GPM6B: variants seen among roughly 807,000 people sequenced by gnomAD.
GPM6B encodes the protein glycoprotein M6B.
GPM6B carries 4 observed loss-of-function variants against 27.2 expected under a neutral mutation model. That is an observed-to-expected ratio of 0.15 (90% confidence interval 0.07 to 0.34). The LOEUF (loss-of-function observed/expected upper bound fraction) is 0.34. Ranked by LOEUF, GPM6B falls within the 10% of genes least tolerant of loss-of-function variation. The probability of loss-of-function intolerance (pLI) is 1.00; values close to 1 mark genes in which losing one functional copy is unlikely to be tolerated. For synonymous variants in GPM6B, 124 were observed against 103.1 expected, an observed-to-expected ratio of 1.20 and a Z score of -1.23; for missense variants, 183 against 261.9, an observed-to-expected ratio of 0.70 and a Z score of 2.08.
chrX:13,799,761 G>T (rs1056807706), intron 2 of GPM6B, among the ~76,000 whole-genome samples: 2 of 111,404 alleles, frequency 1.8e-5, no homozygotes, highest in Non-Finnish European at 3.8e-5. Context: ...CAGGAAGGCC[G>T]TCAAACACCT....
At chrX:13,860,807 C>T (rs1406413611) in intron 1 of GPM6B, among the ~76,000 whole-genome samples, 1 of 108,417 alleles carries the variant, frequency 9.2e-6, no homozygotes, top group Admixed American at 1.0e-4. Flanking sequence ...CCCGAGTCCC[C>T]AAATCCCAGT....
chrX:13,938,014 A>C (rs1056290453), intron 1 of GPM6B, among the ~76,000 whole-genome samples: 1 of 111,110 alleles, frequency 9.0e-6, no homozygotes, highest in Non-Finnish European at 1.9e-5. Flanking sequence ...CTCCCGGAAG[A>C]CCCCAGGCTT....
At position 13,914,009 on chromosome X, in the gene GPM6B, C is replaced by T. The variant is rs2050405008; in HGVS notation, c.-198+24318G>A. Among the ~76,000 whole-genome samples the T allele has an allele frequency of 7.2e-5, 8 of 111,600 alleles. No individual in the cohort carries two copies. The Admixed American group carries it at 7.6e-4, about 11-fold the overall frequency. On this transcript the variant is annotated intron_variant, in intron 1 of 6. Transcript: ENST00000398361. ...TCAAGAGATCTGCCCACTTCGGCCTCCCAAAGTGCTGAAATCACAGATGTG... is the reference window on the plus strand; with the variant it reads ...TCAAGAGATCTGCCCACTTCGGCCTTCCAAAGTGCTGAAATCACAGATGTG...
upstream of GPM6B, among the ~76,000 whole-genome samples, chrX:13,820,972 A>AAG (rs2049300575): frequency 8.9e-6 from 1 of 111,840 alleles, no homozygotes; most frequent in Non-Finnish European, 1.9e-5. Flanking sequence ...AAAAGAAACA[A>AAG]AGAAGGACAA....
rs1292660033 is a variant in GPM6B, at chrX:13,772,992, G to A, written c.876C>T (p.Tyr292=). ...CCTGCATTTTGCTCGCATCCTTTAA[G>A]TAAGCCCAGTTAGAAGACAGTATCA... The part of the protein sequence containing the change: ...FLMILSSNWA[Y]LKDASKMQAY... Residue 292 remains tyrosine, a synonymous_variant, in exon 8 of 8, where the codon TAC becomes TAT. Transcript: ENST00000316715. 5 of 1,208,724 alleles carry A rather than the reference G, an allele frequency of 4.1e-6. No individual in the cohort carries two copies. The South Asian group carries it at 5.3e-5, about 13-fold the overall frequency.
chrX:13,924,339 G>A (rs986105252), intron 1 of GPM6B, among the ~76,000 whole-genome samples: 4 of 110,777 alleles, frequency 3.6e-5, no homozygotes, highest in Admixed American at 1.9e-4. Flanking sequence ...TCACTCTGTC[G>A]CCCAGGCTGG....
chrX:13,853,691 A>G (rs772900103), intron 1 of GPM6B, among the ~76,000 whole-genome samples: 38 of 109,613 alleles, frequency 3.5e-4, no homozygotes, highest in African/African-American at 1.3e-3. Context: ...GAGATATCGC[A>G]TGGGCACACT....
intron 7 of GPM6B, among the ~76,000 whole-genome samples, chrX:13,775,255 C>A (rs2147106895): frequency 8.9e-6 from 1 of 112,721 alleles, no homozygotes; most frequent in South Asian, 3.6e-4. Flanking sequence ...TGCCTACTTG[C>A]TAAGATTCAT....
chrX:13,831,441 C>T (rs180728310), intron 1 of GPM6B, among the ~76,000 whole-genome samples: 4 of 110,851 alleles, frequency 3.6e-5, no homozygotes, highest in Admixed American at 9.6e-5. Flanking sequence ...CTCTAAGATA[C>T]GCTAGGTCTT....
At chrX:13,775,860 G>A (rs1321329818) in intron 7 of GPM6B, among the ~76,000 whole-genome samples, 1 of 112,215 alleles carries the variant, frequency 8.9e-6, no homozygotes, top group Non-Finnish European at 1.9e-5. Context: ...ATGTATATGT[G>A]CATATCTCCA....
At chrX:13,774,724 C>T in intron 7 of GPM6B, 2 of 595,642 alleles carry the variant, frequency 3.4e-6, no homozygotes, top group Non-Finnish European at 5.5e-6. Flanking sequence ...TGCTCATAGT[C>T]TAAGGTGTTT....
intron 1 of GPM6B, among the ~76,000 whole-genome samples, chrX:13,909,602 T>C (rs2050360512): frequency 9.0e-6 from 1 of 111,586 alleles, no homozygotes; most frequent in African/African-American, 3.3e-5. Context: ...ATAATCATGG[T>C]ACTGACTATG....
rs373514814 is a variant in GPM6B, at chrX:13,779,769, C to G, written c.697+49G>C. ...TAATAATTAGGTCCAGACATATGCA[C>G]GAGAGGATAATGAAATAACTGGGGG... is the stretch of plus-strand genomic sequence containing the variant. On this transcript the variant is annotated intron_variant, in intron 5 of 7. Coordinates refer to ENST00000316715, the MANE Select transcript of GPM6B (RefSeq NM_001001995.3). 2.9e-6 allele frequency: 3 copies of G among 1,040,459 alleles called. No homozygotes were observed. In the African/African-American group the frequency reaches 5.5e-5, roughly 19 times the overall value. 85.7% of individuals were successfully genotyped at this position (1,040,459 alleles called of 1,213,427 possible).
upstream of GPM6B, among the ~76,000 whole-genome samples, chrX:13,821,196 A>T (rs925955736): frequency 8.9e-6 from 1 of 112,040 alleles, no homozygotes; most frequent in Non-Finnish European, 1.9e-5. Flanking sequence ...AACACTTCCC[A>T]GTCTCTTTCA....
chrX:13,808,201 A>G, intron 1 of GPM6B, among the ~76,000 whole-genome samples: 1 of 112,726 alleles, frequency 8.9e-6, no homozygotes, highest in African/African-American at 3.2e-5. Context: ...GCTCTAGTCC[A>G]GAAAACCTGG....
chrX:13,788,997 G>A (rs1046725259), intron 2 of GPM6B, among the ~76,000 whole-genome samples: 6 of 111,743 alleles, frequency 5.4e-5, no homozygotes, highest in African/African-American at 2.0e-4. Flanking sequence ...ATTTGTGGCT[G>A]TAGGAACCCT....
Position 13,837,712 on chromosome X carries a change from G to T in GPM6B, c.-197-51904C>A, listed in dbSNP as rs1172236458. Among the ~76,000 whole-genome samples the T allele has an allele frequency of 2.9e-4, 15 of 51,062 alleles. 2 individuals are homozygous for T. The highest frequency in any genetic ancestry group is 3.8e-4 in the African/African-American group (3 of 7,980). 44.3% of individuals were successfully genotyped at this position (51,062 alleles called of 115,157 possible). A position where few individuals can be genotyped will look rare whatever the true frequency, so the allele number is the denominator to read the frequency against. On this transcript the variant is annotated intron_variant, in intron 1 of 6. Coordinates refer to the GPM6B transcript ENST00000398361. ...TTTGCTTTTTCAAAGCAAGTTGGTGGGGGGGGGGGGGGGGGGAAGCAGAGG... is the reference window on the plus strand; with the variant it reads ...TTTGCTTTTTCAAAGCAAGTTGGTGTGGGGGGGGGGGGGGGGAAGCAGAGG...
intron 1 of GPM6B, among the ~76,000 whole-genome samples, chrX:13,830,433 G>A (rs189710755): frequency 8.9e-6 from 1 of 112,192 alleles, no homozygotes; most frequent in Non-Finnish European, 1.9e-5. Context: ...AGAAGGAAAG[G>A]GAAAGATAGG....
chrX:13,843,207 C>T (rs889139706), intron 1 of GPM6B, among the ~76,000 whole-genome samples: 1 of 112,028 alleles, frequency 8.9e-6, no homozygotes, highest in South Asian at 3.7e-4. Context: ...GATATGTAGT[C>T]CTTTGTGACT....
Sources: gnomAD v4.1 joint callset for allele counts (sites outside exome capture counted in the v4.1 genomes callset) on GRCh38, gnomAD v4.1.1 for gene constraint, MANE v1.5 for transcripts, NCBI Gene and HGNC (gene_info 2026-07-23, HGNC 2026-07-21) for gene names.